Variants in C10orf90 observed in about 807,000 individuals in gnomAD.
C10orf90 encodes (E2-independent) E3 ubiquitin-conjugating enzyme FATS.
Under a neutral mutation model 62.5 loss-of-function variants are expected in C10orf90, and 56 were observed. The ratio of observed to expected loss-of-function variants is 0.90; its 90% CI spans 0.72 to 1.12. The LOEUF (loss-of-function observed/expected upper bound fraction) is 1.12, where lower values mean the gene tolerates loss of function less well. C10orf90 is among the 50% of genes most tolerant of loss of function. The probability of loss-of-function intolerance (pLI) is 0.00; values close to 1 mark genes in which losing one functional copy is unlikely to be tolerated. For synonymous variants in C10orf90, 386 were observed against 340.4 expected (o/e 1.13, Z -1.47); for missense variants, 970 against 880.4 (o/e 1.10, Z -1.29).
chr10:126,448,113 C>T (rs1276098700), intron 7 of C10orf90, among the ~76,000 whole-genome samples: 1 of 149,772 alleles, frequency 6.7e-6, no homozygotes, highest in Non-Finnish European at 1.5e-5. Context: ...CTCATGATCC[C>T]CCTGCCTCGG....
intron 1 of C10orf90, among the ~76,000 whole-genome samples, chr10:126,663,612 A>C (rs564238983): frequency 6.6e-6 from 1 of 152,074 alleles, no homozygotes; most frequent in Admixed American, 6.5e-5. Context: ...TGGCTTCCAC[A>C]CTGTCCTCTC....
At chr10:126,646,916 G>T (rs1460880321) in intron 1 of C10orf90, among the ~76,000 whole-genome samples, 1 of 152,086 alleles carries the variant, frequency 6.6e-6, no homozygotes, top group East Asian at 1.9e-4. Flanking sequence ...ATTTTGCCGT[G>T]GATTTGGTTA....
At position 126,627,950 on chromosome 10, in the gene C10orf90, G is replaced by A. The variant is rs1845779000; in HGVS notation, c.313+18615C>T. Among the ~76,000 whole-genome samples the A allele has an allele frequency of 4.6e-5, 7 of 152,172 alleles. No homozygotes were observed. The South Asian group carries it at 1.5e-3, about 32-fold the overall frequency. The stretch of plus-strand genomic sequence containing the variant: ...GCTGGTTGATTTCTCAAAATGCTGG[G>A]CCAGTTTTCTCCGAATATGAGAAAA... On this transcript the variant is annotated intron_variant, in intron 2 of 9. Coordinates refer to ENST00000488181, the MANE Select transcript of C10orf90 (RefSeq NM_001350921.2).
chr10:126,557,435 A>C (rs948551532), intron 2 of C10orf90, among the ~76,000 whole-genome samples: 1 of 149,092 alleles, frequency 6.7e-6, no homozygotes, highest in Non-Finnish European at 1.5e-5. Flanking sequence ...AGCGGAGATC[A>C]TGCCACTGCA....
intron 2 of C10orf90, among the ~76,000 whole-genome samples, chr10:126,557,278 G>A (rs371513804): frequency 3.9e-5 from 6 of 151,942 alleles, no homozygotes; most frequent in African/African-American, 9.7e-5. Flanking sequence ...TTGGGAGATT[G>A]AGACCATCCT....
intron 2 of C10orf90, among the ~76,000 whole-genome samples, chr10:126,568,706 A>T (rs1844443156): frequency 6.6e-6 from 1 of 152,142 alleles, no homozygotes. Context: ...CCTACACCAG[A>T]TAGAGGGAAA....
intron 2 of C10orf90, among the ~76,000 whole-genome samples, chr10:126,551,379 T>A (rs936787148): frequency 2.0e-5 from 3 of 152,242 alleles, no homozygotes; most frequent in Non-Finnish European, 4.4e-5. Flanking sequence ...CCCACTAGAC[T>A]GGAAAGTCCT....
intron 5 of C10orf90, 93 bp downstream of exon 5, chr10:126,464,603 G>A (rs575431312): frequency 4.0e-5 from 53 of 1,314,830 alleles, no homozygotes; most frequent in Admixed American, 6.3e-5. Flanking sequence ...TCAGGTGAAC[G>A]GTGACAGTAT....
intron 8 of C10orf90, among the ~76,000 whole-genome samples, chr10:126,426,541 G>T (rs557519283): frequency 2.6e-5 from 4 of 152,320 alleles, no homozygotes; most frequent in Admixed American, 2.6e-4. Flanking sequence ...CATATAAATA[G>T]AAATAGCAGG....
rs180920779 is a variant in C10orf90, at chr10:126,549,514, C to A, written c.314-35575G>T. ...TAGGATTAAAAAATAGTGACAACAC[C>A]AAATTCTGGCAAGGACACAGAAAAA... On this transcript the variant is annotated intron_variant, in intron 2 of 9. Coordinates refer to ENST00000488181, the MANE Select transcript of C10orf90 (RefSeq NM_001350921.2). Among the ~76,000 whole-genome samples the A allele has an allele frequency of 8.7e-4, 132 of 152,248 alleles. No individual in the cohort carries two copies. In the Middle Eastern group the frequency reaches 0.01, roughly 12 times the overall value.
chr10:126,507,354 C>A lies in C10orf90; in HGVS notation c.406-2269G>T, dbSNP rs145496736. 3.6e-3 allele frequency among the ~76,000 whole-genome samples: 311 copies of A among 86,756 alleles called. 1 individual carries two copies. The highest frequency in any genetic ancestry group is 4.8e-3 in the Non-Finnish European group (247 of 50,932). 56.9% of individuals were successfully genotyped at this position (86,756 alleles called of 152,430 possible). On this transcript the variant is annotated intron_variant, in intron 3 of 9. Coordinates refer to ENST00000488181, the MANE Select transcript of C10orf90 (RefSeq NM_001350921.2). ...CCTGGGTGACAGAGCGAGACTCCAT[C>A]TCAAAAAAAAAAAAAAAAAAAAATA...
intron 2 of C10orf90, among the ~76,000 whole-genome samples, chr10:126,601,059 C>T (rs1040669506): frequency 2.0e-5 from 3 of 152,164 alleles, no homozygotes; most frequent in African/African-American, 7.2e-5. Flanking sequence ...CACAGACAGG[C>T]TTGGAGGACA....
At chr10:126,662,489 T>A (rs1846536058) in intron 1 of C10orf90, among the ~76,000 whole-genome samples, 1 of 152,184 alleles carries the variant, frequency 6.6e-6, no homozygotes, top group Non-Finnish European at 1.5e-5. Flanking sequence ...CTGTTTTTTT[T>A]CCTCTCAAGA....
intron 2 of C10orf90, among the ~76,000 whole-genome samples, chr10:126,562,835 T>C (rs1411678786): frequency 6.6e-6 from 1 of 152,164 alleles, no homozygotes; most frequent in Non-Finnish European, 1.5e-5. Flanking sequence ...ATTTACCAAA[T>C]GCACATAACC....
chr10:126,540,395 A>G (rs1864345771), intron 2 of C10orf90, among the ~76,000 whole-genome samples: 1 of 152,226 alleles, frequency 6.6e-6, no homozygotes, highest in Admixed American at 6.5e-5. Flanking sequence ...GCAGTGGCTC[A>G]TACCTGTAAT....
At chr10:126,460,332 C>A (rs1409670423) in intron 6 of C10orf90, among the ~76,000 whole-genome samples, 1 of 152,250 alleles carries the variant, frequency 6.6e-6, no homozygotes, top group Non-Finnish European at 1.5e-5. Flanking sequence ...AGTAGGAGTC[C>A]TGCATGTATA....
At chr10:126,619,398 T>C (rs1449271381) in intron 2 of C10orf90, among the ~76,000 whole-genome samples, 2 of 152,220 alleles carry the variant, frequency 1.3e-5, no homozygotes, top group Non-Finnish European at 1.5e-5. Context: ...CGCCAGTTCT[T>C]ACTCCTTCAA....
chr10:126,532,633 C>T (rs537394316), intron 2 of C10orf90, among the ~76,000 whole-genome samples: 4 of 151,408 alleles, frequency 2.6e-5, no homozygotes, highest in African/African-American at 4.8e-5. Context: ...GTCAGGAAAT[C>T]GAGACCATCC....
chr10:126,432,855 G>A (rs1219785760), intron 7 of C10orf90, among the ~76,000 whole-genome samples: 1 of 152,236 alleles, frequency 6.6e-6, no homozygotes, highest in East Asian at 1.9e-4. Context: ...AACCACCCAC[G>A]TTGGCCTTTG....
Sources: gnomAD v4.1 joint callset for allele counts (sites outside exome capture counted in the v4.1 genomes callset) on GRCh38, gnomAD v4.1.1 for gene constraint, MANE v1.5 for transcripts, NCBI Gene and HGNC (gene_info 2026-07-23, HGNC 2026-07-21) for gene names.